SHISA9: variants seen among roughly 807,000 people sequenced by gnomAD.
The protein encoded by SHISA9 is protein shisa-9.
A neutral mutation model predicts 38.0 loss-of-function variants in SHISA9; 13 were observed. That is an observed-to-expected ratio of 0.34 (90% confidence interval 0.22 to 0.54). The LOEUF is 0.54. Ranked by LOEUF, SHISA9 falls within the 20% of genes least tolerant of loss-of-function variation. The pLI, the probability that SHISA9 is intolerant of heterozygous loss-of-function variation, is 0.91. For synonymous variants in SHISA9, 275 were observed against 242.0 expected (o/e 1.14, Z -1.27); for missense variants, 538 against 575.8 (o/e 0.93, Z 0.67).
intron 2 of SHISA9, among the ~76,000 whole-genome samples, chr16:13,054,109 C>T (rs951107587): frequency 6.6e-6 from 1 of 152,180 alleles, no homozygotes; most frequent in Non-Finnish European, 1.5e-5. Context: ...GGTATGTCTT[C>T]CCTATTAGAA....
At chr16:13,218,726 A>G (rs1300419107) in intron 4 of SHISA9, among the ~76,000 whole-genome samples, 1 of 152,224 alleles carries the variant, frequency 6.6e-6, no homozygotes, top group Non-Finnish European at 1.5e-5. Context: ...AGCCCATAGT[A>G]GGTACTCAGT....
the SHISA9 span, among the ~76,000 whole-genome samples, chr16:13,317,202 G>T: frequency 6.6e-6 from 1 of 152,252 alleles, no homozygotes; most frequent in Non-Finnish European, 1.5e-5. Context: ...GAATGGACCA[G>T]AGAGTGGGAC....
chr16:13,107,744 G>T (rs1177402077), intron 2 of SHISA9, among the ~76,000 whole-genome samples: 1 of 152,106 alleles, frequency 6.6e-6, no homozygotes, highest in Non-Finnish European at 1.5e-5. Context: ...TAGATTGGAA[G>T]ATGAATAGTG....
intron 2 of SHISA9, among the ~76,000 whole-genome samples, chr16:13,000,972 C>T (rs2072516945): frequency 6.6e-6 from 1 of 152,112 alleles, no homozygotes; most frequent in South Asian, 2.1e-4. Context: ...CTCTGTCACC[C>T]AGGTTGGAGG....
chr16:13,386,730 A>G, the SHISA9 span, among the ~76,000 whole-genome samples: 1 of 152,174 alleles, frequency 6.6e-6, no homozygotes, highest in Non-Finnish European at 1.5e-5. Context: ...TCCTTTCTGC[A>G]GCAATATGTT....
At chr16:13,525,748 A>G in the SHISA9 span, among the ~76,000 whole-genome samples, 3 of 152,258 alleles carry the variant, frequency 2.0e-5, no homozygotes, top group Non-Finnish European at 4.4e-5. Context: ...TAAAATAACT[A>G]TTAAAAATTT....
chr16:13,384,588 C>T, the SHISA9 span, among the ~76,000 whole-genome samples: 2 of 152,122 alleles, frequency 1.3e-5, no homozygotes, highest in Non-Finnish European at 2.9e-5. Context: ...CCTCAGGCTA[C>T]AGCAAACATC....
intron 2 of SHISA9, among the ~76,000 whole-genome samples, chr16:13,018,795 C>T (rs1182603181): frequency 6.6e-6 from 1 of 152,148 alleles, no homozygotes; most frequent in African/African-American, 2.4e-5. Flanking sequence ...TAGGTGAGCA[C>T]TCTCAGAGAT....
the SHISA9 span, among the ~76,000 whole-genome samples, chr16:13,418,411 G>A: frequency 3.9e-5 from 6 of 152,124 alleles, no homozygotes; most frequent in African/African-American, 9.7e-5. Flanking sequence ...TATATCTGGC[G>A]CCTCCATTCT....
chr16:13,396,630 G>A, the SHISA9 span, among the ~76,000 whole-genome samples: 1 of 152,182 alleles, frequency 6.6e-6, no homozygotes, highest in Non-Finnish European at 1.5e-5. Context: ...GCAGAAATCT[G>A]GCATGTGGAT....
At chr16:13,537,687 T>C in the SHISA9 span, among the ~76,000 whole-genome samples, 1 of 152,164 alleles carries the variant, frequency 6.6e-6, no homozygotes, top group Non-Finnish European at 1.5e-5. Context: ...TTGATTATGG[T>C]ACACGTTTGT....
chr16:13,425,766 A>C, the SHISA9 span, among the ~76,000 whole-genome samples: 6 of 152,366 alleles, frequency 3.9e-5, no homozygotes, highest in South Asian at 4.1e-4. Flanking sequence ...GAACTTTGTC[A>C]TTATGGATTT....
chr16:13,510,746 G>A, the SHISA9 span, among the ~76,000 whole-genome samples: 1 of 151,482 alleles, frequency 6.6e-6, no homozygotes, highest in East Asian at 1.9e-4. Flanking sequence ...GATAAATGAC[G>A]CTTTATTCTG....
chr16:13,047,976 G>A (rs2073206580), intron 2 of SHISA9, among the ~76,000 whole-genome samples: 1 of 152,158 alleles, frequency 6.6e-6, no homozygotes, highest in Non-Finnish European at 1.5e-5. Context: ...TTCAGGCCCT[G>A]TCCAGAAGAC....
intron 4 of SHISA9, among the ~76,000 whole-genome samples, chr16:13,234,570 A>G (rs1428655120): frequency 1.3e-5 from 2 of 152,268 alleles, no homozygotes; most frequent in African/African-American, 2.4e-5. Flanking sequence ...AACTCTGTTT[A>G]TTAAAAATAC....
chr16:13,289,765 C>G, the SHISA9 span, among the ~76,000 whole-genome samples: 1 of 152,096 alleles, frequency 6.6e-6, no homozygotes, highest in African/African-American at 2.4e-5. Context: ...AATGAATCTG[C>G]AAGCCCCAAA....
chr16:13,295,712 T>G, the SHISA9 span, among the ~76,000 whole-genome samples: 3 of 151,956 alleles, frequency 2.0e-5, no homozygotes, highest in Non-Finnish European at 4.4e-5. Context: ...TTGTGGAAAA[T>G]TTGAGGATTG....
the SHISA9 span, among the ~76,000 whole-genome samples, chr16:13,502,526 A>G: frequency 2.5e-4 from 38 of 152,292 alleles, 1 homozygote; most frequent in South Asian, 4.8e-3. Context: ...GATACAAAAT[A>G]TCCATTGTTT....
chr16:12,944,604 A>G (rs1189661651), intron 2 of SHISA9, among the ~76,000 whole-genome samples: 2 of 152,118 alleles, frequency 1.3e-5, no homozygotes, highest in African/African-American at 2.4e-5. Flanking sequence ...TAGAGGTTTG[A>G]AGGACTTTGG....
Sources: gnomAD v4.1 joint callset for allele counts (sites outside exome capture counted in the v4.1 genomes callset) on GRCh38, gnomAD v4.1.1 for gene constraint, MANE v1.5 for transcripts, NCBI Gene and HGNC (gene_info 2026-07-23, HGNC 2026-07-21) for gene names.